UGT1A7: variants seen among roughly 807,000 people sequenced by gnomAD.
The protein encoded by UGT1A7 is UDP glucuronosyltransferase family 1 member A7, also known as UDP-glucuronosyltransferase 1A7.
Under a neutral mutation model 45.6 loss-of-function variants are expected in UGT1A7, and 33 were observed. The ratio of observed to expected loss-of-function variants is 0.72; its 90% CI spans 0.55 to 0.97. The LOEUF (loss-of-function observed/expected upper bound fraction) is 0.97. UGT1A7 is among the 50% of genes least tolerant of loss of function. UGT1A7 has a pLI of 0.00. For synonymous variants in UGT1A7, 274 were observed against 250.6 expected (o/e 1.09, Z -0.88); for missense variants, 684 against 666.2 (o/e 1.03, Z -0.29).
At chr2:233,717,671 C>T (rs192021569) in intron 1 of UGT1A7, 19 of 419,042 alleles carry the variant, frequency 4.5e-5, no homozygotes, top group African/African-American at 1.2e-4. Flanking sequence ...AGCAATCTTG[C>T]GAGCACATGT....
Position 233,724,632 on chromosome 2 carries a change from A to G in UGT1A7, c.855+41840A>G, listed in dbSNP as rs1200392360. On this transcript the variant is annotated intron_variant, in intron 1 of 4. Transcript: ENST00000373426. ...CGGGCAGAGACGCTCCTCACTTCCT[A>G]GATGTGATGGCGGCTGGGAAGAGGC... Among the ~76,000 whole-genome samples, 15 of 136,662 alleles carry G rather than the reference A, an allele frequency of 1.1e-4. 1 individual carries two copies. Among genetic ancestry groups the G allele is most frequent in the Non-Finnish European group, 2.0e-4 (13 of 64,126 alleles). 89.7% of individuals were successfully genotyped at this position (136,662 alleles called of 152,430 possible).
intron 1 of UGT1A7, among the ~76,000 whole-genome samples, chr2:233,736,928 C>T (rs1427688264): frequency 1.3e-5 from 2 of 152,158 alleles, no homozygotes; most frequent in African/African-American, 4.8e-5. Context: ...CAGAGGCGCA[C>T]CCACCTATAT....
chr2:233,685,726 C>T (rs900091583), intron 1 of UGT1A7, among the ~76,000 whole-genome samples: 13 of 152,166 alleles, frequency 8.5e-5, no homozygotes, highest in Admixed American at 3.3e-4. Context: ...TGTACTGCTT[C>T]GTCTTTCTCC....
intron 4 of UGT1A7, 66 bp downstream of exon 4, chr2:233,768,505 A>G (rs1285600562): frequency 6.4e-7 from 1 of 1,563,990 alleles, no homozygotes; most frequent in Non-Finnish European, 8.7e-7. Flanking sequence ...TTCAAATATG[A>G]AAACATTTAC....
chr2:233,767,002 A>C, intron 1 of UGT1A7, 32 bp from the exon 2 acceptor site: 2 of 1,613,784 alleles, frequency 1.2e-6, no homozygotes, highest in Non-Finnish European at 1.7e-6. Flanking sequence ...ATATGAGAAA[A>C]AATTAACTGA....
intron 1 of UGT1A7, chr2:233,747,527 T>C: frequency 6.2e-7 from 1 of 1,605,936 alleles, no homozygotes; most frequent in Non-Finnish European, 8.5e-7. Flanking sequence ...AAACAGAACA[T>C]TTTCTGAAGA....
chr2:233,700,602 CT>C (rs1319964954), intron 1 of UGT1A7, among the ~76,000 whole-genome samples: 2 of 151,936 alleles, frequency 1.3e-5, no homozygotes, highest in Middle Eastern at 3.2e-3. Context: ...ACAATTCACT[CT>C]TTTTTTGGGG....
chr2:233,695,328 G>A lies in UGT1A7; in HGVS notation c.855+12536G>A, dbSNP rs377270766. Among the ~76,000 whole-genome samples, 90 of 151,830 alleles carry A rather than the reference G, an allele frequency of 5.9e-4. 2 individuals are homozygous for A. In the South Asian group the frequency reaches 0.017, roughly 29 times the overall value. ...TTTAGTAGAGGCGGGGTTTCACCAC[G>A]TTGGCCAGGATGGTCTCAATCTCTT... On this transcript the variant is annotated intron_variant, in intron 1 of 4. Transcript: ENST00000373426.
Position 233,682,140 on chromosome 2 carries a change from G to A in UGT1A7, c.203G>A (p.Arg68Lys). 1 of 1,614,198 alleles carries A rather than the reference G, an allele frequency of 6.2e-7. No homozygotes were observed. The highest frequency in any genetic ancestry group is 8.5e-7 in the Non-Finnish European group (1 of 1,180,016). Residue 68 changes from arginine to lysine, a missense_variant, in exon 1 of 5, where the codon AGA becomes AAA. Transcript: ENST00000373426. ...CCAGAGGTGAGTTGGCAACTGGGAA[G>A]ATCACTGAATTGCACAGTGAAGACT... ...VMPEVSWQLG[R>K]SLNCTVKTYS...
intron 1 of UGT1A7, among the ~76,000 whole-genome samples, chr2:233,701,695 C>A (rs560963987): frequency 6.6e-6 from 1 of 152,306 alleles, no homozygotes; most frequent in East Asian, 1.9e-4. Flanking sequence ...GAAAATCACT[C>A]AAAACCGCTC....
intron 1 of UGT1A7, chr2:233,743,659 G>A (rs1692418215): frequency 1.5e-6 from 2 of 1,367,268 alleles, no homozygotes; most frequent in Non-Finnish European, 2.0e-6. Context: ...CGTACTCGAA[G>A]GGGTCCTCGA....
chr2:233,700,397 T>C (rs1172875233), intron 1 of UGT1A7, among the ~76,000 whole-genome samples: 1 of 152,226 alleles, frequency 6.6e-6, no homozygotes, highest in African/African-American at 2.4e-5. Context: ...TGGAACATTT[T>C]GGCAGCAGTG....
At chr2:233,714,961 C>T (rs2076425235) in intron 1 of UGT1A7, among the ~76,000 whole-genome samples, 1 of 152,180 alleles carries the variant, frequency 6.6e-6, no homozygotes, top group South Asian at 2.1e-4. Context: ...ATTGCAACCT[C>T]CACCTCCCAG....
At chr2:233,719,091 C>G in intron 1 of UGT1A7, 7 of 1,614,254 alleles carry the variant, frequency 4.3e-6, no homozygotes, top group Middle Eastern at 1.6e-4. Flanking sequence ...GGAATTTGAT[C>G]GCGTTACGCT....
chr2:233,693,681 T>C, intron 1 of UGT1A7: 2 of 1,614,218 alleles, frequency 1.2e-6, no homozygotes, highest in African/African-American at 2.7e-5. Context: ...TATTGTCTGT[T>C]TTCAAAGTAT....
At chr2:233,764,822 A>G (rs963945721) in intron 1 of UGT1A7, among the ~76,000 whole-genome samples, 3 of 152,082 alleles carry the variant, frequency 2.0e-5, no homozygotes, top group Non-Finnish European at 4.4e-5. Flanking sequence ...AAAATGCAGC[A>G]TGGTGGTGGG....
chr2:233,698,999 G>GT (rs1162010332), intron 1 of UGT1A7, among the ~76,000 whole-genome samples: 1 of 152,212 alleles, frequency 6.6e-6, no homozygotes, highest in East Asian at 1.9e-4. Flanking sequence ...GATTCCTGCT[G>GT]TAAGAACATG....
At chr2:233,745,689 T>C (rs1218366980) in intron 1 of UGT1A7, among the ~76,000 whole-genome samples, 4 of 149,704 alleles carry the variant, frequency 2.7e-5, no homozygotes, top group African/African-American at 1.0e-4. Flanking sequence ...CAAAGCAAGT[T>C]TGGAGAACAA....
intron 1 of UGT1A7, among the ~76,000 whole-genome samples, chr2:233,757,321 C>G (rs1250382430): frequency 6.6e-6 from 1 of 150,460 alleles, no homozygotes; most frequent in Non-Finnish European, 1.5e-5. Context: ...GGCTGGGGCC[C>G]TGAAATGGGA....
Sources: gnomAD v4.1 joint callset for allele counts (sites outside exome capture counted in the v4.1 genomes callset) on GRCh38, gnomAD v4.1.1 for gene constraint, MANE v1.5 for transcripts, NCBI Gene and HGNC (gene_info 2026-07-23, HGNC 2026-07-21) for gene names.